The following GBP3 variants were observed in gnomAD, a reference collection of about 807,000 sequenced individuals.
The protein encoded by GBP3 is guanylate binding protein 3, also known as guanylate-binding protein 3.
In GBP3, 55 loss-of-function variants were observed where a neutral mutation model predicts 62.4. The observed-to-expected ratio is 0.88, with a 90% CI of 0.71 to 1.10. The LOEUF is 1.10. Ranked by LOEUF, GBP3 falls within the 50% of genes least tolerant of loss-of-function variation. The pLI is 0.00. For missense variants in GBP3, 605 were observed against 690.6 expected, an observed-to-expected ratio of 0.88 and a Z score of 1.39; for synonymous variants, 208 against 259.2, an observed-to-expected ratio of 0.80 and a Z score of 1.90.
chr1:89,021,420 G>C (rs943584705), intron 1 of GBP3, among the ~76,000 whole-genome samples: 1 of 151,954 alleles, frequency 6.6e-6, no homozygotes, highest in Non-Finnish European at 1.5e-5. Flanking sequence ...CTTCATTAGC[G>C]TCATGATAAG....
In GBP3 at chr1:89,012,150, G is replaced by A. The variant is rs557404081; in HGVS notation, c.869-123C>T. 4.0e-6 allele frequency: 4 copies of A among 998,192 alleles called. No individual in the cohort carries two copies. The South Asian group carries it at 6.6e-5, about 16-fold the overall frequency. 61.8% of individuals were successfully genotyped at this position (998,192 alleles called of 1,614,324 possible). A position where few individuals can be genotyped will look rare whatever the true frequency, so the allele number is the denominator to read the frequency against. Reference sequence around the variant, plus strand: ...AGCATCAAGGTCCTCAGAATCATCTGGAAGCTTGCTGGAAATGCCTATTGT... The same window carrying A: ...AGCATCAAGGTCCTCAGAATCATCTAGAAGCTTGCTGGAAATGCCTATTGT... On this transcript the variant is annotated intron_variant, in intron 6 of 10. Transcript: ENST00000370481.
chr1:89,018,117 G>A (rs541484113), intron 2 of GBP3, among the ~76,000 whole-genome samples: 151 of 152,072 alleles, frequency 9.9e-4, no homozygotes, highest in Middle Eastern at 3.4e-3. Flanking sequence ...GGGAGACCCC[G>A]TGAAACTATT....
intron 9 of GBP3, 111 bp from the exon 10 acceptor site, chr1:89,009,251 C>G: frequency 7.3e-7 from 1 of 1,366,152 alleles, no homozygotes; most frequent in Non-Finnish European, 1.0e-6. Flanking sequence ...TCAGAGATGA[C>G]CTCAACAAGT....
intron 2 of GBP3, 124 bp from the exon 3 acceptor site, chr1:89,015,538 C>T (rs750528762): frequency 8.0e-5 from 60 of 745,358 alleles, no homozygotes; most frequent in Non-Finnish European, 1.1e-4. Context: ...TCAGTACTTA[C>T]GTTACTTATA....
In GBP3 at chr1:89,007,732, T is replaced by C; in HGVS notation, c.1780A>G (p.Lys594Glu). ...KTKRYMSHKLKI is the reference protein window; with the variant it reads ...KTKRYMSHKLEI Reference sequence around the variant, plus strand: ...CAGAAAAGCTCTGTTGTTTAGATCTTTAGCTTATGCGACATATATCTCTTG... The same window carrying C: ...CAGAAAAGCTCTGTTGTTTAGATCTCTAGCTTATGCGACATATATCTCTTG... Residue 594 changes from lysine (K) to glutamate (E), a missense_variant, in exon 11 of 11, where the codon AAG (lysine) becomes GAG (glutamate). Coordinates refer to ENST00000370481, the MANE Select transcript of GBP3 (RefSeq NM_018284.3). 4 of 1,611,840 alleles carry C rather than the reference T, an allele frequency of 2.5e-6. No homozygotes were observed. The highest frequency in any genetic ancestry group is 3.4e-6 in the Non-Finnish European group (4 of 1,179,268).
intron 2 of GBP3, chr1:89,020,190 G>C (rs1219821860): frequency 4.9e-5 from 21 of 424,856 alleles, no homozygotes; most frequent in South Asian, 8.9e-5. Context: ...GGTGAGCTGA[G>C]ATCTTGCCAC....
At chr1:89,009,630 C>A in intron 8 of GBP3, 136 bp from the exon 9 acceptor site, 2 of 1,243,184 alleles carry the variant, frequency 1.6e-6, no homozygotes, top group Non-Finnish European at 2.2e-6. Context: ...GATTCCCTAT[C>A]ACAGGGCCAG....
rs1678319511 is a variant in GBP3 at position 89,007,872 on chromosome 1, G to A, written c.1660-20C>T. 1.2e-6 allele frequency: 2 copies of A among 1,605,510 alleles called. No individual in the cohort carries two copies. The highest frequency in any genetic ancestry group is 1.7e-6 in the Non-Finnish European group (2 of 1,176,554). On this transcript the variant is annotated intron_variant, in intron 10 of 10. Transcript: ENST00000370481. Reference sequence around the variant, plus strand: ...CTGTTCCTAAAAAGGGACAAATGGAGGCTAAATAAGTGTAGCATTAAGTAA... The same window carrying A: ...CTGTTCCTAAAAAGGGACAAATGGAAGCTAAATAAGTGTAGCATTAAGTAA...
chr1:89,020,375 TGC>T, intron 2 of GBP3, 155 bp downstream of exon 2: 5 of 794,576 alleles, frequency 6.3e-6, no homozygotes, highest in Non-Finnish European at 1.1e-5. Flanking sequence ...TGTGAGCTGA[TGC>T]TTATCCCCTA....
intron 1 of GBP3, among the ~76,000 whole-genome samples, chr1:89,021,751 T>G: frequency 7.7e-6 from 1 of 129,670 alleles, no homozygotes; most frequent in Admixed American, 9.7e-5. Flanking sequence ...AGAGGAGAAA[T>G]AGAAGTGAGG....
Position 89,012,580 on chromosome 1 carries a change from C to G in GBP3, c.869-553G>C, listed in dbSNP as rs74672277. ...TTTGAAATATAGCCATGTGAATTGA[C>G]CTTTAATTTTTCCTTATTTTAATTA... On this transcript the variant is annotated intron_variant, in intron 6 of 10. Transcript: ENST00000370481. 1.4e-5 allele frequency among the ~76,000 whole-genome samples: 2 copies of G among 138,376 alleles called. 1 individual carries two copies. Among genetic ancestry groups the G allele is most frequent in the African/African-American group, 4.9e-5 (2 of 40,406 alleles). 90.8% of individuals were successfully genotyped at this position (138,376 alleles called of 152,430 possible).
chr1:89,022,534 G>A (rs550341514), intron 1 of GBP3, 150 bp downstream of exon 1: 1 of 152,292 alleles, frequency 6.6e-6, no homozygotes, highest in African/African-American at 2.4e-5. Flanking sequence ...TCTCACATCA[G>A]GCTCAGCTGC....
In GBP3 at chr1:89,007,386, C is replaced by T. The variant is rs557135835; in HGVS notation, c.*338G>A. On this transcript the variant is annotated 3_prime_UTR_variant, in exon 11 of 11. Coordinates refer to ENST00000370481, the MANE Select transcript of GBP3 (RefSeq NM_018284.3). ...AGGATGGTTGTTTCTGATATTGGGACCCATTGTACACTTGGCCAAACCAGT... is the reference window on the plus strand; with the variant it reads ...AGGATGGTTGTTTCTGATATTGGGATCCATTGTACACTTGGCCAAACCAGT... The T allele has an allele frequency of 1.5e-5, 3 of 199,968 alleles. No individual in the cohort carries two copies. The South Asian group carries it at 3.0e-4, about 20-fold the overall frequency. The allele number at this position is 199,968 out of a possible 1,614,324, so 12.4% of individuals were successfully genotyped here. A position where few individuals can be genotyped will look rare whatever the true frequency, so the allele number is the denominator to read the frequency against.
At chr1:89,009,320 TTTTAAAATTTGAAAAATTA>T in intron 9 of GBP3, 53 bp downstream of exon 9, 2 of 1,516,336 alleles carry the variant, frequency 1.3e-6, no homozygotes, top group Admixed American at 3.9e-5. Flanking sequence ...TTATTTAAAA[TTTTAAAATTTGAAAAATTA>T]TTTAAAATTT....
intron 1 of GBP3, among the ~76,000 whole-genome samples, chr1:89,021,787 A>AGGAGAGAGAGAGAGAG (rs1679234317): frequency 2.6e-5 from 1 of 37,880 alleles, no homozygotes; most frequent in Non-Finnish European, 6.4e-5. Flanking sequence ...GGCTGGAAAG[A>AGGAGAGAGAGAGAGAG]TGAGAGAGAG....
rs1678258753 is a variant in GBP3 at position 89,007,129 on chromosome 1, G to T, written c.*595C>A. On this transcript the variant is annotated 3_prime_UTR_variant, in exon 11 of 11. Coordinates refer to ENST00000370481, the MANE Select transcript of GBP3 (RefSeq NM_018284.3). The stretch of plus-strand genomic sequence containing the variant: ...TAGATGAATTGAACAAGAAAGAAAA[G>T]ATTTCTTCATTAGCCAATTTGTTTA... 6.6e-6 allele frequency: 1 copy of T among 152,160 alleles called. No homozygotes were observed. Among genetic ancestry groups the T allele is most frequent in the Admixed American group, 6.5e-5 (1 of 15,276 alleles). The allele number at this position is 152,160 out of a possible 1,614,324, so 9.4% of individuals were successfully genotyped here.
At chr1:89,008,512 G>A (rs985842667) in intron 10 of GBP3, among the ~76,000 whole-genome samples, 4 of 147,098 alleles carry the variant, frequency 2.7e-5, no homozygotes, top group African/African-American at 1.0e-4. Flanking sequence ...AGATGGGATA[G>A]AAAAAATATT....
rs1678448704 is a variant in GBP3 at position 89,009,721 on chromosome 1, A to G, written c.1363-227T>C. On this transcript the variant is annotated intron_variant, in intron 8 of 10. Transcript: ENST00000370481. ...GAGGATGATACAGATACTGGGAAAT[A>G]AGATTCCCTGTCCTTTTCAAATTGA... Among the ~76,000 whole-genome samples, 4 of 152,206 alleles carry G rather than the reference A, an allele frequency of 2.6e-5. 1 individual carries two copies. The South Asian group carries it at 8.3e-4, about 31-fold the overall frequency.
At chr1:89,016,978 T>C (rs968761958) in intron 2 of GBP3, among the ~76,000 whole-genome samples, 1 of 152,188 alleles carries the variant, frequency 6.6e-6, no homozygotes, top group East Asian at 1.9e-4. Flanking sequence ...TCCAATGATT[T>C]TTTTATAAAT....
Sources: allele counts gnomAD v4.1 joint callset (sites outside exome capture counted in the v4.1 genomes callset), GRCh38; gene constraint gnomAD v4.1.1; transcripts MANE v1.5; gene names NCBI Gene and HGNC (gene_info 2026-07-23, HGNC 2026-07-21).